Variants in PPP2CA observed in about 807,000 individuals in gnomAD.
PPP2CA encodes serine/threonine-protein phosphatase 2A catalytic subunit alpha isoform.
PPP2CA carries 5 observed loss-of-function variants against 38.8 expected under a neutral mutation model. The observed-to-expected ratio is 0.13, with a 90% CI of 0.07 to 0.27. The LOEUF is 0.27. Ranked by LOEUF, PPP2CA falls within the 10% of genes least tolerant of loss-of-function variation. PPP2CA has a pLI of 1.00. For synonymous variants in PPP2CA, 152 were observed against 134.0 expected, an observed-to-expected ratio of 1.13 and a Z score of -0.93; for missense variants, 88 against 389.7, an observed-to-expected ratio of 0.23 and a Z score of 6.52.
intron 2 of PPP2CA, among the ~76,000 whole-genome samples, chr5:134,205,042 C>G (rs1426085818): frequency 2.7e-5 from 4 of 150,886 alleles, no homozygotes; most frequent in Non-Finnish European, 5.9e-5. Context: ...TCAGGCAACT[C>G]TGCCCACCTC....
In PPP2CA at chr5:134,200,878, G is replaced by A; in HGVS notation, c.576+107C>T. On this transcript the variant is annotated intron_variant, in intron 4 of 6. Coordinates refer to ENST00000481195, the MANE Select transcript of PPP2CA (RefSeq NM_002715.4). ...GCAGACAAGAGTGCTCACACCTCAA[G>A]TTGTTTTTGAGAATTATATGAGAGA... 3.2e-6 allele frequency: 3 copies of A among 945,870 alleles called. No individual in the cohort carries two copies. In the East Asian group the frequency reaches 7.7e-5, roughly 24 times the overall value. 58.6% of individuals were successfully genotyped at this position (945,870 alleles called of 1,614,324 possible).
chr5:134,225,588 G>A (rs974971463), intron 1 of PPP2CA, 172 bp downstream of exon 1: 31 of 525,262 alleles, frequency 5.9e-5, no homozygotes, highest in South Asian at 2.5e-5. Flanking sequence ...TGCGCGGGAG[G>A]CAGGGGGCGC....
intron 1 of PPP2CA, among the ~76,000 whole-genome samples, chr5:134,215,352 T>C (rs1164109638): frequency 6.6e-6 from 1 of 152,042 alleles, no homozygotes; most frequent in African/African-American, 2.4e-5. Flanking sequence ...GGTGGATCAC[T>C]TGAGGTCAGG....
intron 1 of PPP2CA, among the ~76,000 whole-genome samples, chr5:134,210,786 C>T (rs1010317579): frequency 1.3e-5 from 2 of 152,090 alleles, no homozygotes; most frequent in Non-Finnish European, 2.9e-5. Flanking sequence ...CACTGCACTA[C>T]AGCCTAGGTG....
chr5:134,209,272 G>C (rs921516648), intron 1 of PPP2CA, among the ~76,000 whole-genome samples: 1 of 56,772 alleles, frequency 1.8e-5, no homozygotes, highest in African/African-American at 6.0e-5. Context: ...CCCTCAGACC[G>C]GAGGGGGAAA....
chr5:134,213,075 T>C (rs1351547073), intron 1 of PPP2CA, among the ~76,000 whole-genome samples: 3 of 152,124 alleles, frequency 2.0e-5, no homozygotes, highest in Admixed American at 6.6e-5. Context: ...ATGAAGGTGG[T>C]TGCACTAAAC....
chr5:134,202,777 G>GT (rs1393047146), intron 2 of PPP2CA, among the ~76,000 whole-genome samples: 1 of 152,168 alleles, frequency 6.6e-6, no homozygotes, highest in Non-Finnish European at 1.5e-5. Flanking sequence ...ACCTGGTAAC[G>GT]TTTAACTTTT....
In PPP2CA at chr5:134,201,711, G is replaced by C. The variant is rs1761970355; in HGVS notation, c.486+137C>G. ...ATTTGTCAAATTAAATTTTTTTTAA[G>C]TTTGAATGAATGCTATCAATATCTA... On this transcript the variant is annotated intron_variant, in intron 3 of 6. Transcript: ENST00000481195. The C allele has an allele frequency of 5.0e-6, 5 of 995,684 alleles. No individual in the cohort carries two copies. In the East Asian group the frequency reaches 1.4e-4, roughly 28 times the overall value. 61.7% of individuals were successfully genotyped at this position (995,684 alleles called of 1,614,324 possible).
intron 1 of PPP2CA, among the ~76,000 whole-genome samples, chr5:134,213,401 G>A (rs1187931343): frequency 7.0e-6 from 1 of 142,640 alleles, no homozygotes; most frequent in Non-Finnish European, 1.5e-5. Context: ...GTGCATTACT[G>A]AGACCTACTG....
chr5:134,198,628 C>T (rs1343376113), intron 6 of PPP2CA, among the ~76,000 whole-genome samples: 1 of 152,070 alleles, frequency 6.6e-6, no homozygotes. Flanking sequence ...CGCAGTGGCG[C>T]GATCTTGGCT....
chr5:134,194,572 C>T lies in PPP2CA; in HGVS notation c.*3200G>A, dbSNP rs1382055562. On this transcript the variant is annotated 3_prime_UTR_variant, in exon 7 of 7. Coordinates refer to ENST00000481195, the MANE Select transcript of PPP2CA (RefSeq NM_002715.4). ...ACATCCATGAACCACCACCATGTAT[C>T]CCAATTTTCTTAAGTATGTACTTAG... is the stretch of plus-strand genomic sequence containing the variant. The T allele has an allele frequency of 6.6e-6, 1 of 152,238 alleles. No homozygotes were observed. Among genetic ancestry groups the T allele is most frequent in the East Asian group, 1.9e-4 (1 of 5,200 alleles). The allele number at this position is 152,238 out of a possible 1,614,324, so 9.4% of individuals were successfully genotyped here.
chr5:134,207,595 C>A (rs1012526683), intron 1 of PPP2CA, among the ~76,000 whole-genome samples: 8 of 152,198 alleles, frequency 5.3e-5, no homozygotes, highest in South Asian at 4.1e-4. Flanking sequence ...GAGTTCCAGA[C>A]CAGCCTGGAG....
chr5:134,194,602 C>T lies in PPP2CA; in HGVS notation c.*3170G>A, dbSNP rs1761804271. ...TTTTCTTAAGTATGTACTTAGGAAACAGCAGTGAGGTGTTTTTGTTTTTTG... is the reference window on the plus strand; with the variant it reads ...TTTTCTTAAGTATGTACTTAGGAAATAGCAGTGAGGTGTTTTTGTTTTTTG... On this transcript the variant is annotated 3_prime_UTR_variant, in exon 7 of 7. Transcript: ENST00000481195. 6.6e-6 allele frequency: 1 copy of T among 152,216 alleles called. No individual in the cohort carries two copies. Among genetic ancestry groups the T allele is most frequent in the South Asian group, 2.1e-4 (1 of 4,824 alleles). The allele number at this position is 152,216 out of a possible 1,614,324, so 9.4% of individuals were successfully genotyped here.
At chr5:134,217,002 C>T (rs1033169213) in intron 1 of PPP2CA, among the ~76,000 whole-genome samples, 2 of 152,180 alleles carry the variant, frequency 1.3e-5, no homozygotes, top group Non-Finnish European at 2.9e-5. Context: ...TGATTATTGG[C>T]CGGGCGAAGT....
intron 1 of PPP2CA, chr5:134,224,111 C>T (rs1762505439): frequency 3.3e-6 from 1 of 306,714 alleles, no homozygotes. Flanking sequence ...AGTCAACTGG[C>T]CAACTACTGA....
chr5:134,224,422 C>A, intron 1 of PPP2CA: 1 of 384,344 alleles, frequency 2.6e-6, no homozygotes, highest in Non-Finnish European at 5.1e-6. Context: ...TTGTTCACAA[C>A]ATGGTTTCTA....
chr5:134,223,660 C>G (rs1224403440), intron 1 of PPP2CA, among the ~76,000 whole-genome samples: 1 of 152,180 alleles, frequency 6.6e-6, no homozygotes, highest in African/African-American at 2.4e-5. Context: ...TTAGATGCAT[C>G]AGCTTCACCC....
At chr5:134,213,007 T>A (rs1486515600) in intron 1 of PPP2CA, among the ~76,000 whole-genome samples, 1 of 152,142 alleles carries the variant, frequency 6.6e-6, no homozygotes. Context: ...AGATAAGGCA[T>A]CAAGTACCAA....
intron 1 of PPP2CA, among the ~76,000 whole-genome samples, chr5:134,222,713 A>T (rs982589168): frequency 3.9e-5 from 6 of 152,228 alleles, no homozygotes; most frequent in African/African-American, 1.4e-4. Context: ...TGTAGATTGA[A>T]ACATACCCGG....
Sources: gnomAD v4.1 joint callset for allele counts (sites outside exome capture counted in the v4.1 genomes callset) on GRCh38, gnomAD v4.1.1 for gene constraint, MANE v1.5 for transcripts, NCBI Gene and HGNC (gene_info 2026-07-23, HGNC 2026-07-21) for gene names.